The following DGKB variants were observed in gnomAD, a reference collection of about 807,000 sequenced individuals.
DGKB encodes diacylglycerol kinase beta.
DGKB carries 67 observed loss-of-function variants against 114.3 expected under a neutral mutation model. That is an observed-to-expected ratio of 0.59 (90% CI 0.48 to 0.72). The LOEUF is 0.72. DGKB is among the 30% of genes least tolerant of loss of function. The pLI is 0.00. For missense variants in DGKB, 907 were observed against 975.2 expected, an observed-to-expected ratio of 0.93 and a Z score of 0.93; for synonymous variants, 398 against 323.1, an observed-to-expected ratio of 1.23 and a Z score of -2.49.
At chr7:14,412,118 G>A (rs1247491629) in intron 21 of DGKB, among the ~76,000 whole-genome samples, 1 of 152,134 alleles carries the variant, frequency 6.6e-6, no homozygotes, top group East Asian at 1.9e-4. Context: ...ATGTGTGATT[G>A]TGTATGTGTA....
chr7:14,206,822 T>C (rs1295000033), intron 23 of DGKB, among the ~76,000 whole-genome samples: 1 of 152,074 alleles, frequency 6.6e-6, no homozygotes, highest in Non-Finnish European at 1.5e-5. Context: ...AGTTTATTTA[T>C]TGTTGCAACT....
intron 20 of DGKB, among the ~76,000 whole-genome samples, chr7:14,506,085 G>T (rs893916968): frequency 6.6e-6 from 1 of 152,100 alleles, no homozygotes; most frequent in African/African-American, 2.4e-5. Context: ...GTGGATTCCA[G>T]CTGTTTCTAG....
At chr7:14,293,069 C>A (rs188320094) in intron 23 of DGKB, among the ~76,000 whole-genome samples, 1 of 152,182 alleles carries the variant, frequency 6.6e-6, no homozygotes, top group African/African-American at 2.4e-5. Flanking sequence ...ATTGACATAT[C>A]CTTTGAGTAC....
intron 23 of DGKB, among the ~76,000 whole-genome samples, chr7:14,220,237 T>C (rs1789706436): frequency 6.6e-6 from 1 of 151,636 alleles, no homozygotes; most frequent in African/African-American, 2.4e-5. Context: ...ATTATTATCT[T>C]ATGGGACCAC....
At chr7:14,424,775 G>C (rs1827244218) in intron 21 of DGKB, among the ~76,000 whole-genome samples, 1 of 152,064 alleles carries the variant, frequency 6.6e-6, no homozygotes, top group Admixed American at 6.6e-5. Flanking sequence ...TCAAGGGTTT[G>C]AAATAATTGC....
intron 20 of DGKB, among the ~76,000 whole-genome samples, chr7:14,553,568 C>G (rs1392467863): frequency 2.6e-5 from 4 of 152,082 alleles, no homozygotes; most frequent in Admixed American, 6.6e-5. Context: ...CACATCCAAT[C>G]GCAAATCATT....
At chr7:14,293,389 A>G (rs867980801) in intron 23 of DGKB, among the ~76,000 whole-genome samples, 5 of 152,098 alleles carry the variant, frequency 3.3e-5, no homozygotes, top group Non-Finnish European at 4.4e-5. Context: ...TCTGTTTTCT[A>G]TTGCATTGCT....
intron 21 of DGKB, among the ~76,000 whole-genome samples, chr7:14,473,616 G>A (rs947245158): frequency 1.3e-5 from 2 of 152,112 alleles, no homozygotes; most frequent in Admixed American, 6.5e-5. Flanking sequence ...CTTGCACCAT[G>A]TACCTGGAGA....
intron 20 of DGKB, among the ~76,000 whole-genome samples, chr7:14,564,789 T>A (rs942625373): frequency 6.6e-6 from 1 of 152,100 alleles, no homozygotes; most frequent in Admixed American, 6.6e-5. Context: ...GAACATTATA[T>A]ACTTTTTGTT....
In DGKB at chr7:14,408,963, A is replaced by G. The variant is rs557423707; in HGVS notation, c.1836-63572T>C. Reference sequence around the variant, plus strand: ...GTTTAGTTTATCATTTACTACCATAAAGTATACATACATTTATTATTAAAA... The same window carrying G: ...GTTTAGTTTATCATTTACTACCATAGAGTATACATACATTTATTATTAAAA... On this transcript the variant is annotated intron_variant, in intron 21 of 25. Transcript: ENST00000402815. 3.9e-5 allele frequency among the ~76,000 whole-genome samples: 6 copies of G among 152,288 alleles called. No individual in the cohort carries two copies. In the East Asian group the frequency reaches 1.2e-3, roughly 29 times the overall value.
At chr7:14,488,999 C>T (rs7786658) in intron 20 of DGKB, among the ~76,000 whole-genome samples, 4,096 of 151,880 alleles carry the variant, frequency 0.027, 189 homozygotes, top group African/African-American at 0.093. Flanking sequence ...TCCAACATGT[C>T]ACTGAAGAAA....
At chr7:14,417,536 A>T (rs992129572) in intron 21 of DGKB, among the ~76,000 whole-genome samples, 2 of 152,026 alleles carry the variant, frequency 1.3e-5, no homozygotes, top group Non-Finnish European at 2.9e-5. Context: ...ATTATTCTTG[A>T]ACCTCAACAG....
intron 23 of DGKB, among the ~76,000 whole-genome samples, chr7:14,321,457 A>G (rs1281464669): frequency 2.0e-5 from 3 of 152,184 alleles, no homozygotes; most frequent in Non-Finnish European, 4.4e-5. Flanking sequence ...GAAAAGGTGT[A>G]TCCATAAAAG....
intron 17 of DGKB, among the ~76,000 whole-genome samples, chr7:14,605,388 A>ATGTGTG (rs111647761): frequency 6.8e-6 from 1 of 147,086 alleles, no homozygotes; most frequent in Non-Finnish European, 1.5e-5. Flanking sequence ...ACACCTATAT[A>ATGTGTG]TGTGTGTGTG....
At chr7:14,663,462 T>G (rs1949531902) in intron 13 of DGKB, among the ~76,000 whole-genome samples, 2 of 152,016 alleles carry the variant, frequency 1.3e-5, no homozygotes, top group Admixed American at 6.6e-5. Flanking sequence ...GCCACCATTT[T>G]GAAACTACTG....
At position 14,176,847 on chromosome 7, in the gene DGKB, G is replaced by T; in HGVS notation, c.2296C>A (p.Pro766Thr). Residue 766 changes from proline to threonine, a missense_variant, in exon 25 of 26, where the codon CCA becomes ACA. Around this residue, in one of 3 missense-constraint regions of DGKB, gnomAD observed 58 missense variants for 52.5 expected, o/e 1.10. Transcript: ENST00000402815. ...QIDGEPWMQT[P>T]CTIKITHKNQ... is the part of the protein sequence containing the mutation. ...AACTACTCTGTACTCACTGTGCATG[G>T]GGTCTGCATCCATGGCTCCCCATCA... is the stretch of plus-strand genomic sequence containing the variant. 6.2e-7 allele frequency: 1 copy of T among 1,613,884 alleles called. No individual in the cohort carries two copies. The highest frequency in any genetic ancestry group is 2.2e-5 in the East Asian group (1 of 44,860).
intron 2 of DGKB, among the ~76,000 whole-genome samples, chr7:14,769,251 A>C (rs968238069): frequency 7.2e-5 from 9 of 124,900 alleles, no homozygotes; most frequent in Admixed American, 1.7e-4. Flanking sequence ...AGAAAGAAAG[A>C]AAGAAAGAAA....
intron 20 of DGKB, among the ~76,000 whole-genome samples, chr7:14,537,617 G>T (rs1270670154): frequency 6.6e-6 from 1 of 152,088 alleles, no homozygotes; most frequent in Non-Finnish European, 1.5e-5. Flanking sequence ...TTATCCCATA[G>T]ACAAAAATTA....
At chr7:14,681,667 A>C (rs956909241) in intron 12 of DGKB, among the ~76,000 whole-genome samples, 1 of 152,122 alleles carries the variant, frequency 6.6e-6, no homozygotes, top group African/African-American at 2.4e-5. Flanking sequence ...AATATTTTGT[A>C]CTACATTATC....
Sources: allele counts gnomAD v4.1 joint callset (sites outside exome capture counted in the v4.1 genomes callset), GRCh38; gene constraint gnomAD v4.1.1; regional missense constraint gnomAD v4.1.1; transcripts MANE v1.5; gene names NCBI Gene and HGNC (gene_info 2026-07-23, HGNC 2026-07-21).